MAGI1: variants seen among roughly 807,000 people sequenced by gnomAD.
MAGI1 encodes membrane associated guanylate kinase, WW and PDZ domain containing 1, also known as membrane-associated guanylate kinase, WW and PDZ domain-containing protein 1.
MAGI1 carries 58 observed loss-of-function variants against 139.9 expected under a neutral mutation model. The ratio of observed to expected loss-of-function variants is 0.41; its 90% CI spans 0.34 to 0.52. The LOEUF is 0.52. MAGI1 is among the 20% of genes least tolerant of loss of function. The pLI, the probability that MAGI1 is intolerant of heterozygous loss-of-function variation, is 0.12. For missense variants in MAGI1, 1,874 were observed against 1,901.6 expected, an observed-to-expected ratio of 0.99 and a Z score of 0.27; for synonymous variants, 812 against 737.9, an observed-to-expected ratio of 1.10 and a Z score of -1.63.
chr3:65,644,735 C>T (rs371695151), intron 1 of MAGI1, among the ~76,000 whole-genome samples: 49 of 152,230 alleles, frequency 3.2e-4, no homozygotes, highest in African/African-American at 1.1e-3. Context: ...CAGTGGCTCA[C>T]GCCTGTAATC....
chr3:65,360,212 C>T, intron 22 of MAGI1: 1 of 985,256 alleles, frequency 1.0e-6, no homozygotes, highest in Non-Finnish European at 1.2e-6. Context: ...GAATGACTTT[C>T]AGAAAAGAGG....
intron 4 of MAGI1, among the ~76,000 whole-genome samples, chr3:65,477,627 C>A (rs2107609854): frequency 6.6e-6 from 1 of 152,072 alleles, no homozygotes; most frequent in South Asian, 2.1e-4. Flanking sequence ...AAGGTCAAAT[C>A]TTCATATAGT....
At chr3:65,649,090 A>C (rs2085435082) in intron 1 of MAGI1, among the ~76,000 whole-genome samples, 1 of 152,118 alleles carries the variant, frequency 6.6e-6, no homozygotes, top group South Asian at 2.1e-4. Context: ...TAAAACTATA[A>C]AGTGTGTGAA....
At chr3:65,986,272 T>A (rs930028164) in intron 1 of MAGI1, among the ~76,000 whole-genome samples, 58 of 151,504 alleles carry the variant, frequency 3.8e-4, no homozygotes, top group African/African-American at 1.1e-3. Flanking sequence ...TATTAACTTT[T>A]AAAAAAAAAG....
chr3:65,440,886 T>C (rs1948266196), intron 8 of MAGI1, among the ~76,000 whole-genome samples: 2 of 146,212 alleles, frequency 1.4e-5, no homozygotes, highest in Admixed American at 1.4e-4. Context: ...TATGTACATA[T>C]ATATGGTACA....
At chr3:65,379,073 T>A in intron 17 of MAGI1, 188 bp downstream of exon 17, 2 of 1,244,276 alleles carry the variant, frequency 1.6e-6, no homozygotes, top group East Asian at 5.1e-5. Context: ...GTTGAACAAA[T>A]ATTCCCAACC....
At chr3:65,400,125 GAC>G (rs1446043504) in intron 13 of MAGI1, among the ~76,000 whole-genome samples, 1 of 152,154 alleles carries the variant, frequency 6.6e-6, no homozygotes, top group Non-Finnish European at 1.5e-5. Flanking sequence ...GGGACAGGGA[GAC>G]ACACATGCGC....
At chr3:65,638,470 C>T (rs982548218) in intron 1 of MAGI1, among the ~76,000 whole-genome samples, 5 of 151,742 alleles carry the variant, frequency 3.3e-5, no homozygotes, top group East Asian at 3.9e-4. Flanking sequence ...TGCTTTCACA[C>T]GCCCGCTTCT....
rs1449007047 is a variant in MAGI1, at chr3:65,611,764, T to C, written c.430+10208A>G. 4.0e-5 allele frequency among the ~76,000 whole-genome samples: 6 copies of C among 148,516 alleles called. No homozygotes were observed. The South Asian group carries it at 6.3e-4, about 16-fold the overall frequency. On this transcript the variant is annotated intron_variant, in intron 2 of 22. Transcript: ENST00000402939. The stretch of plus-strand genomic sequence containing the variant: ...CATACATAGTATATATACACATATA[T>C]AGTCGGAGGAAAGAAACAGTGGTGG...
At chr3:65,499,968 A>C (rs575747983) in intron 2 of MAGI1, among the ~76,000 whole-genome samples, 1 of 152,338 alleles carries the variant, frequency 6.6e-6, no homozygotes, top group South Asian at 2.1e-4. Flanking sequence ...TATTTAAGAA[A>C]TATTTTAAGA....
chr3:65,713,929 A>C (rs935294323), intron 1 of MAGI1, among the ~76,000 whole-genome samples: 1 of 152,200 alleles, frequency 6.6e-6, no homozygotes, highest in African/African-American at 2.4e-5. Context: ...GAGGAAAAAA[A>C]GTTAAAATAA....
intron 1 of MAGI1, among the ~76,000 whole-genome samples, chr3:65,825,362 T>C (rs561067181): frequency 5.9e-5 from 9 of 152,240 alleles, no homozygotes; most frequent in Admixed American, 3.3e-4. Context: ...GCAGTGGTTG[T>C]GCTGAAGCTG....
intron 1 of MAGI1, among the ~76,000 whole-genome samples, chr3:65,920,442 T>C (rs1018861476): frequency 6.6e-6 from 1 of 152,246 alleles, no homozygotes; most frequent in Non-Finnish European, 1.5e-5. Flanking sequence ...TTTCTAATCC[T>C]GAACCATCTC....
At chr3:65,773,441 G>A (rs2038118026) in intron 1 of MAGI1, among the ~76,000 whole-genome samples, 1 of 152,154 alleles carries the variant, frequency 6.6e-6, no homozygotes, top group Non-Finnish European at 1.5e-5. Flanking sequence ...GCTGAGGCAG[G>A]AAGATCACTT....
intron 2 of MAGI1, among the ~76,000 whole-genome samples, chr3:65,602,636 G>A (rs2082536989): frequency 6.6e-6 from 1 of 151,958 alleles, no homozygotes; most frequent in African/African-American, 2.4e-5. Context: ...TGTACACCTT[G>A]AGAATAAACT....
intron 2 of MAGI1, among the ~76,000 whole-genome samples, chr3:65,541,216 A>G (rs2079202017): frequency 6.6e-6 from 1 of 152,136 alleles, no homozygotes; most frequent in Non-Finnish European, 1.5e-5. Context: ...CCAAAACTAA[A>G]CCAGGAAGAA....
chr3:65,691,790 C>CAT (rs2088683261), intron 1 of MAGI1, among the ~76,000 whole-genome samples: 2 of 152,132 alleles, frequency 1.3e-5, no homozygotes, highest in African/African-American at 2.4e-5. Flanking sequence ...GTATTTGAGA[C>CAT]TGCTGTGGTG....
At chr3:65,526,289 G>C (rs1423187675) in intron 2 of MAGI1, among the ~76,000 whole-genome samples, 2 of 152,096 alleles carry the variant, frequency 1.3e-5, no homozygotes, top group African/African-American at 4.8e-5. Flanking sequence ...AGGTAACTTG[G>C]GAAGTTACTG....
At chr3:66,007,303 T>G (rs535300914) in intron 1 of MAGI1, among the ~76,000 whole-genome samples, 1 of 152,346 alleles carries the variant, frequency 6.6e-6, no homozygotes, top group East Asian at 1.9e-4. Flanking sequence ...CCCACGGCGA[T>G]CCTATCTTCC....
Sources: allele counts gnomAD v4.1 joint callset (sites outside exome capture counted in the v4.1 genomes callset), GRCh38; gene constraint gnomAD v4.1.1; transcripts MANE v1.5; gene names NCBI Gene and HGNC (gene_info 2026-07-23, HGNC 2026-07-21).